Variants in RRBP1 observed in about 807,000 individuals in gnomAD.
RRBP1 encodes the protein ribosome binding protein 1.
A neutral mutation model predicts 165.2 loss-of-function variants in RRBP1; 94 were observed. That is an observed-to-expected ratio of 0.57 (90% CI 0.48 to 0.68). The LOEUF (loss-of-function observed/expected upper bound fraction) is 0.68. Ranked by LOEUF, RRBP1 falls within the 30% of genes least tolerant of loss-of-function variation. The pLI, the probability that RRBP1 is intolerant of heterozygous loss-of-function variation, is 0.00. For missense variants in RRBP1, 1,676 were observed against 1,763.0 expected (o/e 0.95, Z 0.88); for synonymous variants, 680 against 714.5 (o/e 0.95, Z 0.77).
chr20:17,625,521 C>A lies in RRBP1; in HGVS notation c.3045G>T (p.Val1015=). ...ELREAVEQQK[V]KNNDLREKNW... is the part of the protein sequence containing the mutation. ...TGCCTGCCGCACTCACATTGTTCTTCACTTTCTGCTGCTCGACGGCCTCCC... is the reference window on the plus strand; with the variant it reads ...TGCCTGCCGCACTCACATTGTTCTTAACTTTCTGCTGCTCGACGGCCTCCC... Residue 1015 remains valine (V), a synonymous_variant, in exon 12 of 25, where the codon GTG becomes GTT. Coordinates refer to ENST00000377813, the MANE Select transcript of RRBP1 (RefSeq NM_001365613.2). The A allele has an allele frequency of 1.2e-6, 2 of 1,613,798 alleles. No individual in the cohort carries two copies. Among genetic ancestry groups the A allele is most frequent in the Admixed American group, 3.3e-5 (2 of 60,004 alleles).
At chr20:17,673,544 G>A (rs6111604) in intron 2 of RRBP1, among the ~76,000 whole-genome samples, 2,842 of 152,276 alleles carry the variant, frequency 0.019, 38 homozygotes, top group Non-Finnish European at 0.026. Flanking sequence ...AAGTAGCTGC[G>A]ATTACAGGCA....
intron 21 of RRBP1, 119 bp downstream of exon 21, chr20:17,616,613 G>T: frequency 1.5e-6 from 1 of 664,004 alleles, no homozygotes; most frequent in South Asian, 1.9e-5. Context: ...AAGCAGGGTG[G>T]GGTGGGGAAG....
chr20:17,636,225 A>T (rs1420715275), intron 6 of RRBP1, among the ~76,000 whole-genome samples: 2 of 152,252 alleles, frequency 1.3e-5, no homozygotes, highest in Non-Finnish European at 2.9e-5. Context: ...TGGAAAGAAG[A>T]TAGAGCCTGC....
Position 17,659,855 on chromosome 20 carries a change from T to C in RRBP1, c.653A>G (p.Gln218Arg), listed in dbSNP as rs2036726549. 1.9e-6 allele frequency: 3 copies of C among 1,551,878 alleles called. No individual in the cohort carries two copies. Among genetic ancestry groups the C allele is most frequent in the Non-Finnish European group, 2.6e-6 (3 of 1,147,102 alleles). ...QSKKAEGAPN[Q>R]GRKAEGTPNQ... Reference sequence around the variant, plus strand: ...TGGGGTTCCCTCTGCCTTTCTGCCCTGGTTTGGGGCTCCTTCAGCCTTTTT... The same window carrying C: ...TGGGGTTCCCTCTGCCTTTCTGCCCCGGTTTGGGGCTCCTTCAGCCTTTTT... The change falls in exon 3 of 25, where the codon CAG (glutamine) becomes CGG (arginine). Residue 218 changes from glutamine (Q) to arginine (R), a missense_variant. Transcript: ENST00000377813.
intron 12 of RRBP1, among the ~76,000 whole-genome samples, chr20:17,625,104 G>A (rs1449711189): frequency 1.3e-5 from 2 of 152,136 alleles, no homozygotes; most frequent in Non-Finnish European, 2.9e-5. Flanking sequence ...CAGCAAGCCC[G>A]GCTCTGTGAG....
intron 15 of RRBP1, 52 bp from the exon 16 acceptor site, chr20:17,621,599 C>T (rs776845885): frequency 1.9e-6 from 3 of 1,591,796 alleles, no homozygotes; most frequent in Admixed American, 1.7e-5. Flanking sequence ...AGGTTCTTCT[C>T]TTGGCTTCCC....
intron 18 of RRBP1, 27 bp from the exon 19 acceptor site, chr20:17,619,755 G>A (rs755891332): frequency 1.4e-5 from 21 of 1,519,244 alleles, no homozygotes; most frequent in South Asian, 4.8e-5. Context: ...ACACGCACAC[G>A]CATGCGCCAG....
intron 3 of RRBP1, among the ~76,000 whole-genome samples, chr20:17,656,257 T>C (rs1219061347): frequency 6.6e-6 from 1 of 152,218 alleles, no homozygotes; most frequent in Admixed American, 6.5e-5. Context: ...GGGCGGCATG[T>C]TGGTGGCACG....
chr20:17,664,263 G>A (rs748941045), intron 2 of RRBP1, among the ~76,000 whole-genome samples: 2 of 152,196 alleles, frequency 1.3e-5, no homozygotes, highest in Non-Finnish European at 2.9e-5. Flanking sequence ...AACACAGACG[G>A]CGTGAATCCA....
chr20:17,659,822 C>A lies in RRBP1; in HGVS notation c.686G>T (p.Gly229Val). 6.4e-7 allele frequency: 1 copy of A among 1,550,946 alleles called. No individual in the cohort carries two copies. The highest frequency in any genetic ancestry group is 8.7e-7 in the Non-Finnish European group (1 of 1,146,906). Reference sequence around the variant, plus strand: ...GTTTGGGGTTCCCTCTGTCTTTTTGCCCTGGTTTGGGGTTCCCTCTGCCTT... The same window carrying A: ...GTTTGGGGTTCCCTCTGTCTTTTTGACCTGGTTTGGGGTTCCCTCTGCCTT... Reference protein sequence around the residue: ...GRKAEGTPNQGKKTEGTPNQG... With the variant: ...GRKAEGTPNQVKKTEGTPNQG... Residue 229 changes from glycine (G) to valine (V), a missense_variant, in exon 3 of 25, where the codon GGC becomes GTC. Gly to Val is a moderately radical substitution (Grantham distance 109). Transcript: ENST00000377813.
At chr20:17,619,018 G>A in intron 19 of RRBP1, 1 of 281,474 alleles carries the variant, frequency 3.6e-6, no homozygotes, top group South Asian at 4.5e-5. Context: ...GAACTCTTGG[G>A]CTCAGGCAAT....
intron 6 of RRBP1, among the ~76,000 whole-genome samples, chr20:17,636,005 G>C (rs1438523722): frequency 1.3e-5 from 2 of 152,196 alleles, no homozygotes; most frequent in African/African-American, 4.8e-5. Flanking sequence ...CACATGCACC[G>C]CCTCTAACCC....
intron 3 of RRBP1, among the ~76,000 whole-genome samples, chr20:17,657,495 C>T (rs992166379): frequency 6.6e-6 from 1 of 152,096 alleles, no homozygotes; most frequent in Non-Finnish European, 1.5e-5. Flanking sequence ...CCTAAGATAC[C>T]CTTCGTCAAC....
chr20:17,681,653 G>A (rs1232883322), intron 1 of RRBP1, among the ~76,000 whole-genome samples: 1 of 147,816 alleles, frequency 6.8e-6, no homozygotes, highest in Non-Finnish European at 1.5e-5. Context: ...GCCCCGCCCC[G>A]CCGCCAACTT....
At chr20:17,636,294 C>G (rs2036247351) in intron 6 of RRBP1, among the ~76,000 whole-genome samples, 1 of 152,250 alleles carries the variant, frequency 6.6e-6, no homozygotes. Flanking sequence ...GGCAGGGAAA[C>G]AGGGCTGGCC....
chr20:17,614,321 CCCT>C (rs1256215313), intron 24 of RRBP1, 101 bp from the exon 25 acceptor site: 5 of 1,125,672 alleles, frequency 4.4e-6, no homozygotes, highest in Non-Finnish European at 6.6e-6. Context: ...TGGATTGACC[CCCT>C]CAAGCCACTC....
chr20:17,653,212 T>C (rs950332493), intron 3 of RRBP1, among the ~76,000 whole-genome samples: 1 of 152,122 alleles, frequency 6.6e-6, no homozygotes, highest in Non-Finnish European at 1.5e-5. Flanking sequence ...TCCCCTGTGT[T>C]CGTGTTATTT....
At position 17,615,954 on chromosome 20, in the gene RRBP1, C is replaced by T. The variant is rs116865999; in HGVS notation, c.3923G>A (p.Arg1308Gln). The T allele has an allele frequency of 1.9e-4, 313 of 1,610,156 alleles. No homozygotes were observed. Among genetic ancestry groups the T allele is most frequent in the Non-Finnish European group, 2.4e-4 (279 of 1,179,950 alleles). The change falls in exon 22 of 25, where the codon CGG (arginine) becomes CAG (glutamine). Residue 1308 changes from arginine (R) to glutamine (Q), a missense_variant. Around this residue, in one of 5 missense-constraint regions of RRBP1, gnomAD observed 1,184 missense variants for 1,167.1 expected, o/e 1.01. Transcript: ENST00000377813. ...CTCAAACTCGGCCGTGAGCTTCTGC[C>T]GCTGTGTCTGCTCATCCTCCAGGAT... ...EAILEDEQTQ[R>Q]QKLTAEFEEA...
chr20:17,636,468 C>T, intron 6 of RRBP1, 109 bp downstream of exon 6: 5 of 1,354,266 alleles, frequency 3.7e-6, no homozygotes, highest in Non-Finnish European at 4.1e-6. Flanking sequence ...CTGTGGGCAT[C>T]CTCAACCCCC....
Sources: gnomAD v4.1 joint callset for allele counts (sites outside exome capture counted in the v4.1 genomes callset) on GRCh38, gnomAD v4.1.1 for gene constraint, gnomAD v4.1.1 regional missense constraint, MANE v1.5 for transcripts, NCBI Gene and HGNC (gene_info 2026-07-23, HGNC 2026-07-21) for gene names.